The following FGF8 variants were observed in gnomAD, a reference collection of about 807,000 sequenced individuals.
FGF8 encodes the protein fibroblast growth factor 8.
FGF8 carries 12 observed loss-of-function variants against 29.7 expected under a neutral mutation model. The ratio of observed to expected loss-of-function variants is 0.40; its 90% CI spans 0.26 to 0.65. The LOEUF (loss-of-function observed/expected upper bound fraction) is 0.65. FGF8 is among the 30% of genes least tolerant of loss of function. The pLI, the probability that FGF8 is intolerant of heterozygous loss-of-function variation, is 0.37. For synonymous variants in FGF8, 157 were observed against 144.4 expected (o/e 1.09, Z -0.63); for missense variants, 271 against 345.1 (o/e 0.79, Z 1.70).
At position 101,775,969 on chromosome 10, in the gene FGF8, C is replaced by A; in HGVS notation, c.-69G>T. On this transcript the variant is annotated 5_prime_UTR_variant, in exon 1 of 6. Transcript: ENST00000320185. The surrounding 1 kb of genome is among the most constrained non-coding windows in gnomAD (Gnocchi z 4.6). The stretch of plus-strand genomic sequence containing the variant: ...TCCCGCGGGCCGCCGCGGGAGGACG[C>A]GCTGAGCAGGGCGCGAGCGGAGAGG... 8 of 1,066,122 alleles carry A rather than the reference C, an allele frequency of 7.5e-6. No homozygotes were observed. The highest frequency in any genetic ancestry group is 9.3e-6 in the Non-Finnish European group (8 of 862,788). 66.0% of individuals were successfully genotyped at this position (1,066,122 alleles called of 1,614,324 possible).
intron 4 of FGF8, among the ~76,000 whole-genome samples, chr10:101,773,985 T>C (rs1363103635): frequency 6.6e-6 from 1 of 152,250 alleles, no homozygotes; most frequent in African/African-American, 2.4e-5. Context: ...CATGCTTGTT[T>C]AACGTGGTCA....
At chr10:101,774,443 C>A (rs907136677) in intron 4 of FGF8, among the ~76,000 whole-genome samples, 1 of 152,234 alleles carries the variant, frequency 6.6e-6, no homozygotes, top group Non-Finnish European at 1.5e-5. Context: ...CCCCCTCCCC[C>A]TGAACCCCCT....
chr10:101,773,604 T>C (rs1442995442), intron 4 of FGF8, among the ~76,000 whole-genome samples: 1 of 152,164 alleles, frequency 6.6e-6, no homozygotes, highest in Non-Finnish European at 1.5e-5. Flanking sequence ...GACAGATTTA[T>C]CCCAGGAAAA....
chr10:101,774,894 G>A lies in FGF8; in HGVS notation c.175C>T (p.Pro59Ser). 1 of 1,614,070 alleles carries A rather than the reference G, an allele frequency of 6.2e-7. No homozygotes were observed. The highest frequency in any genetic ancestry group is 8.5e-7 in the Non-Finnish European group (1 of 1,180,020). ...TCCCTCACATGCTGTGTAAAATTAGGTGAGGACTGAACAGTTACCTTTAGG... is the reference window on the plus strand; with the variant it reads ...TCCCTCACATGCTGTGTAAAATTAGATGAGGACTGAACAGTTACCTTTAGG... ...VSQQVTVQSS[P>S]NFTQHVREQS... The change falls in exon 4 of 6, where the codon CCT (proline) becomes TCT (serine). Residue 59 changes from proline to serine, a missense_variant. Pro to Ser is a moderately conservative substitution (Grantham distance 74, BLOSUM62 -1). Around this residue, in one of 3 missense-constraint regions of FGF8, gnomAD observed 168 missense variants for 207.0 expected, o/e 0.81. Coordinates refer to ENST00000320185, the MANE Select transcript of FGF8 (RefSeq NM_033163.5).
upstream of FGF8, among the ~76,000 whole-genome samples, chr10:101,776,257 C>T (rs2065092284): frequency 1.6e-5 from 1 of 63,354 alleles, no homozygotes; most frequent in Non-Finnish European, 3.0e-5. Flanking sequence ...CCGCAGCCCC[C>T]GGCTGGGAAC....
rs1352820060 is a variant in FGF8, at chr10:101,775,612, G to A, written c.69+128C>T. 2.8e-6 allele frequency: 3 copies of A among 1,079,268 alleles called. No individual in the cohort carries two copies. In the African/African-American group the frequency reaches 4.7e-5, roughly 17 times the overall value. 66.9% of individuals were successfully genotyped at this position (1,079,268 alleles called of 1,614,324 possible). On this transcript the variant is annotated intron_variant, in intron 2 of 5. Coordinates refer to ENST00000320185, the MANE Select transcript of FGF8 (RefSeq NM_033163.5). The surrounding 1 kb of genome is among the most constrained non-coding windows in gnomAD (Gnocchi z 4.6). ...TCCCTCCTCGGGGTGGCTCGGGGCT[G>A]GGTTTCTAAGGTGCCCTCAGCCCTC...
Position 101,771,446 on chromosome 10 carries a change from G to T in FGF8, c.444+17C>A. The T allele has an allele frequency of 6.2e-7, 1 of 1,603,006 alleles. No homozygotes were observed. The highest frequency in any genetic ancestry group is 8.5e-7 in the Non-Finnish European group (1 of 1,169,912). On this transcript the variant is annotated intron_variant, in intron 5 of 5. Coordinates refer to ENST00000320185, the MANE Select transcript of FGF8 (RefSeq NM_033163.5). This position sits in a 1 kb window ranked among gnomAD's most constrained non-coding sequence, Gnocchi z 5.3. ...TCCCTAGGTCCCGCGGACCCCACCT[G>T]CCTGCTGGGGCCTCACCTTGGCGAT... is the stretch of plus-strand genomic sequence containing the variant.
At position 101,775,626 on chromosome 10, in the gene FGF8, C is replaced by G; in HGVS notation, c.69+114G>C. 1 of 1,243,602 alleles carries G rather than the reference C, an allele frequency of 8.0e-7. No homozygotes were observed. Among genetic ancestry groups the G allele is most frequent in the Non-Finnish European group, 1.1e-6 (1 of 898,412 alleles). The allele number at this position is 1,243,602 out of a possible 1,614,324, so 77.0% of individuals were successfully genotyped here. ...GGCTCGGGGCTGGGTTTCTAAGGTG[C>G]CCTCAGCCCTCCCGCGCCGGCCGCA... On this transcript the variant is annotated intron_variant, in intron 2 of 5. Transcript: ENST00000320185. This position sits in a 1 kb window ranked among gnomAD's most constrained non-coding sequence, Gnocchi z 4.6.
chr10:101,770,468 C>A lies in FGF8; in HGVS notation c.596G>T (p.Arg199Leu). The stretch of plus-strand genomic sequence containing the variant: ...CAGCCGCTTCATGAAGTGGACCTCA[C>A]GCTGGTGCTGCCGCGTCTTGGAGCC... ...RKGSKTRQHQ[R>L]EVHFMKRLPR... Residue 199 changes from arginine to leucine, a missense_variant, in exon 6 of 6, where the codon CGT (arginine) becomes CTT (leucine). Around this residue, in one of 3 missense-constraint regions of FGF8, gnomAD observed 41 missense variants for 80.0 expected, o/e 0.51. Transcript: ENST00000320185. 2 of 1,612,956 alleles carry A rather than the reference C, an allele frequency of 1.2e-6. No individual in the cohort carries two copies. The highest frequency in any genetic ancestry group is 1.7e-5 in the Admixed American group (1 of 59,838).
At chr10:101,774,607 A>C (rs2065064892) in intron 4 of FGF8, 125 bp downstream of exon 4, 1 of 806,558 alleles carries the variant, frequency 1.2e-6, no homozygotes, top group Non-Finnish European at 2.0e-6. Context: ...GCTGACCCTC[A>C]AGACACCTTT....
chr10:101,775,557 A>T lies in FGF8; in HGVS notation c.69+183T>A. 2 of 655,256 alleles carry T rather than the reference A, an allele frequency of 3.1e-6. No homozygotes were observed. Among genetic ancestry groups the T allele is most frequent in the East Asian group, 2.7e-5 (1 of 36,514 alleles). The allele number at this position is 655,256 out of a possible 1,614,324, so 40.6% of individuals were successfully genotyped here. ...GGCCACTCACTCGCTGTGTGACCTCAGGAGGGGTGCTACCTCTCTGTGCCT... is the reference window on the plus strand; with the variant it reads ...GGCCACTCACTCGCTGTGTGACCTCTGGAGGGGTGCTACCTCTCTGTGCCT... On this transcript the variant is annotated intron_variant, in intron 2 of 5. Coordinates refer to ENST00000320185, the MANE Select transcript of FGF8 (RefSeq NM_033163.5). This position sits in a 1 kb window ranked among gnomAD's most constrained non-coding sequence, Gnocchi z 4.6.
Position 101,775,214 on chromosome 10 carries a change from T to C in FGF8, c.72A>G (p.Glu24=), listed in dbSNP as rs1012456980. Residue 24 remains glutamate, a splice_region_variant and synonymous_variant, in exon 3 of 6, where the codon GAA becomes GAG. Coordinates refer to ENST00000320185, the MANE Select transcript of FGF8 (RefSeq NM_033163.5). This position sits in a 1 kb window ranked among gnomAD's most constrained non-coding sequence, Gnocchi z 4.6. The stretch of plus-strand genomic sequence containing the variant: ...CCAGCGCAGGGCCCCTGCCCGGGCC[T>C]TCCTAGAGGAGCAGGGCGCTTTTAA... ...HLLVLCLQAQ[E]GPGRGPALGR... The C allele has an allele frequency of 8.4e-6, 13 of 1,539,456 alleles. 1 individual carries two copies. In the Admixed American group the frequency reaches 1.8e-4, roughly 21 times the overall value.
rs375321211 is a variant in FGF8, at chr10:101,771,505, G to T, written c.402C>A (p.Gly134=). ...CCTTCTTGTTCATGCAGATGTAGAG[G>T]CCCGTCTCGGCTCCTCGGACTCGAA... The part of the protein sequence containing the change: ...SRVRVRGAET[G]LYICMNKKGK... The change falls in exon 5 of 6, where the codon GGC becomes GGA. Residue 134 remains glycine (G), a synonymous_variant. Coordinates refer to ENST00000320185, the MANE Select transcript of FGF8 (RefSeq NM_033163.5). The surrounding 1 kb of genome is among the most constrained non-coding windows in gnomAD (Gnocchi z 5.3). The T allele has an allele frequency of 4.3e-6, 7 of 1,614,072 alleles. No homozygotes were observed. Among genetic ancestry groups the T allele is most frequent in the African/African-American group, 2.7e-5 (2 of 74,938 alleles).
intron 3 of FGF8, 79 bp from the exon 4 acceptor site, chr10:101,774,991 C>T (rs941875635): frequency 1.9e-6 from 3 of 1,548,400 alleles, no homozygotes; most frequent in African/African-American, 1.4e-5. Flanking sequence ...CATCACCCTG[C>T]GTCCCCCTCA....
chr10:101,771,713 G>A lies in FGF8; in HGVS notation c.338-144C>T, dbSNP rs2134992740. ...GCTCCAGCCCAGCTACTAACATGCT[G>A]TGCAACCCAGAGAAAGGGCTTTTCT... On this transcript the variant is annotated intron_variant, in intron 4 of 5. Transcript: ENST00000320185. The surrounding 1 kb of genome is among the most constrained non-coding windows in gnomAD (Gnocchi z 5.3). 2 of 721,770 alleles carry A rather than the reference G, an allele frequency of 2.8e-6. No homozygotes were observed. The highest frequency in any genetic ancestry group is 2.7e-5 in the East Asian group (1 of 37,160). The allele number at this position is 721,770 out of a possible 1,614,324, so 44.7% of individuals were successfully genotyped here. A position where few individuals can be genotyped will look rare whatever the true frequency, so the allele number is the denominator to read the frequency against.
rs993107382 is a variant in FGF8 at position 101,775,995 on chromosome 10, G to A, written c.-95C>T. On this transcript the variant is annotated 5_prime_UTR_variant, in exon 1 of 6. Transcript: ENST00000320185. This position sits in a 1 kb window ranked among gnomAD's most constrained non-coding sequence, Gnocchi z 4.6. Reference sequence around the variant, plus strand: ...GCTGAGCAGGGCGCGAGCGGAGAGGGTGCGGGTGCGGGAGGCCGGCGGCGA... The same window carrying A: ...GCTGAGCAGGGCGCGAGCGGAGAGGATGCGGGTGCGGGAGGCCGGCGGCGA... The A allele has an allele frequency of 1.4e-5, 11 of 790,184 alleles. No homozygotes were observed. The highest frequency in any genetic ancestry group is 9.3e-5 in the African/African-American group (5 of 53,620). 48.9% of individuals were successfully genotyped at this position (790,184 alleles called of 1,614,324 possible). A position where few individuals can be genotyped will look rare whatever the true frequency, so the allele number is the denominator to read the frequency against.
upstream of FGF8, among the ~76,000 whole-genome samples, chr10:101,777,316 C>A (rs934599482): frequency 1.3e-5 from 2 of 152,174 alleles, no homozygotes; most frequent in Non-Finnish European, 2.9e-5. Flanking sequence ...TGATGCCCTA[C>A]CAGACTGCTG....
At chr10:101,778,919 C>G (rs2065118121), upstream of FGF8, among the ~76,000 whole-genome samples, 1 of 152,226 alleles carries the variant, frequency 6.6e-6, no homozygotes, top group African/African-American at 2.4e-5. Context: ...CTCCCTGGCC[C>G]AGATGAGGGA....
chr10:101,780,108 C>T (rs531906482), upstream of FGF8, among the ~76,000 whole-genome samples: 1 of 152,248 alleles, frequency 6.6e-6, no homozygotes, highest in Non-Finnish European at 1.5e-5. Context: ...CGCTCCGCAG[C>T]GAGACCCATG....
Sources: gnomAD v4.1 joint callset for allele counts (sites outside exome capture counted in the v4.1 genomes callset) on GRCh38, gnomAD v4.1.1 for gene constraint, gnomAD v4.1.1 regional missense constraint, Gnocchi (gnomAD v3.1) non-coding constraint, MANE v1.5 for transcripts, NCBI Gene and HGNC (gene_info 2026-07-23, HGNC 2026-07-21) for gene names.